The following ABCC1 variants were observed in gnomAD, a reference collection of about 807,000 sequenced individuals.
ABCC1 encodes the protein ATP binding cassette subfamily C member 1 (ABCC1 blood group).
Under a neutral mutation model 172.9 loss-of-function variants are expected in ABCC1, and 83 were observed. The observed-to-expected ratio is 0.48, with a 90% CI of 0.40 to 0.58. The LOEUF (loss-of-function observed/expected upper bound fraction) is 0.58, where lower values mean the gene tolerates loss of function less well. Ranked by LOEUF, ABCC1 falls within the 20% of genes least tolerant of loss-of-function variation. The pLI, the probability that ABCC1 is intolerant of heterozygous loss-of-function variation, is 0.00. For synonymous variants in ABCC1, 937 were observed against 825.2 expected, an observed-to-expected ratio of 1.14 and a Z score of -2.32; for missense variants, 1,817 against 2,002.7, an observed-to-expected ratio of 0.91 and a Z score of 1.77.
intron 9 of ABCC1, among the ~76,000 whole-genome samples, chr16:16,047,303 A>C (rs7192604): frequency 0.072 from 10,957 of 151,624 alleles, 527 homozygotes; most frequent in Middle Eastern, 0.13. Flanking sequence ...ATTTATTTTT[A>C]TGTTTTGAGA....
chr16:16,085,504 G>C (rs2050972664), intron 17 of ABCC1, among the ~76,000 whole-genome samples: 1 of 152,232 alleles, frequency 6.6e-6, no homozygotes, highest in Non-Finnish European at 1.5e-5. Flanking sequence ...TATTGGCTGG[G>C]CGCGGTAGCT....
chr16:16,083,829 A>G (rs1264956655), intron 17 of ABCC1, among the ~76,000 whole-genome samples: 1 of 152,154 alleles, frequency 6.6e-6, no homozygotes, highest in Non-Finnish European at 1.5e-5. Context: ...TAGGCCCCCC[A>G]GAAAGCATGC....
At chr16:15,949,586 G>T (rs953651657), upstream of ABCC1, 6 of 186,692 alleles carry the variant, frequency 3.2e-5, no homozygotes, top group Admixed American at 3.7e-4. Context: ...ACCAGGCGGC[G>T]TTGCGGCCCC....
intron 9 of ABCC1, among the ~76,000 whole-genome samples, chr16:16,047,008 C>A (rs1471762256): frequency 6.6e-6 from 1 of 151,958 alleles, no homozygotes; most frequent in Non-Finnish European, 1.5e-5. Context: ...CCAGCCTGGT[C>A]AATATAGCAA....
At chr16:16,000,987 G>C (rs1320748696) in intron 1 of ABCC1, among the ~76,000 whole-genome samples, 1 of 152,206 alleles carries the variant, frequency 6.6e-6, no homozygotes, top group Non-Finnish European at 1.5e-5. Context: ...TTGACCAGCA[G>C]TTGGGGAATG....
intron 29 of ABCC1, among the ~76,000 whole-genome samples, chr16:16,137,267 G>T (rs1001720476): frequency 2.6e-5 from 4 of 152,182 alleles, no homozygotes; most frequent in Admixed American, 2.6e-4. Flanking sequence ...GAGTCAGCTG[G>T]CTGTTGGCTG....
chr16:16,020,076 C>T (rs547831125), intron 5 of ABCC1, among the ~76,000 whole-genome samples: 1 of 152,288 alleles, frequency 6.6e-6, no homozygotes, highest in South Asian at 2.1e-4. Context: ...CGCACACCAC[C>T]ATGCCTGGCT....
chr16:15,979,732 C>T (rs2046577537), intron 1 of ABCC1, among the ~76,000 whole-genome samples: 1 of 152,106 alleles, frequency 6.6e-6, no homozygotes, highest in South Asian at 2.1e-4. Flanking sequence ...CCCATCTTGG[C>T]CTTCCAGAGT....
chr16:16,071,631 T>C lies in ABCC1; in HGVS notation c.1825-11T>C. 6.2e-7 allele frequency: 1 copy of C among 1,612,894 alleles called. No homozygotes were observed. The highest frequency in any genetic ancestry group is 1.1e-5 in the South Asian group (1 of 90,892). On this transcript the variant is annotated splice_polypyrimidine_tract_variant and intron_variant, in intron 13 of 30. Transcript: ENST00000399410. ...AAAAATAACTCTCCCCTGCCATTGCTCTCTGTACAGGCGAGTGTCTCCCTC... is the reference window on the plus strand; with the variant it reads ...AAAAATAACTCTCCCCTGCCATTGCCCTCTGTACAGGCGAGTGTCTCCCTC...
chr16:15,954,797 G>A (rs1054857776), intron 1 of ABCC1, among the ~76,000 whole-genome samples: 1 of 151,994 alleles, frequency 6.6e-6, no homozygotes, highest in East Asian at 1.9e-4. Flanking sequence ...TGGTAGATGG[G>A]GGGGAAGAAA....
chr16:15,958,293 A>T (rs45610340), intron 1 of ABCC1, among the ~76,000 whole-genome samples: 1 of 151,752 alleles, frequency 6.6e-6, no homozygotes, highest in Non-Finnish European at 1.5e-5. Context: ...TTTAGTAGAG[A>T]TGGGGTTTCT....
In ABCC1 at chr16:16,044,661, T is replaced by A. The variant is rs780178288; in HGVS notation, c.1021T>A (p.Ser341Thr). Residue 341 changes from serine (S) to threonine (T), a missense_variant, in exon 8 of 31, where the codon TCC becomes ACC. Transcript: ENST00000399410. ...FKAIHDLMMF[S>T]GPQILKLLIK... is the part of the protein sequence containing the mutation. ...GGCCATCCACGACCTGATGATGTTT[T>A]CCGGGCCGCAGATCTTAAAGTAAGA... 6.2e-7 allele frequency: 1 copy of A among 1,614,138 alleles called. No individual in the cohort carries two copies. Among genetic ancestry groups the A allele is most frequent in the South Asian group, 1.1e-5 (1 of 91,086 alleles).
intron 1 of ABCC1, among the ~76,000 whole-genome samples, chr16:15,989,118 G>A (rs901882765): frequency 6.7e-6 from 1 of 150,354 alleles, no homozygotes; most frequent in Non-Finnish European, 1.5e-5. Context: ...ACTGTGTTCA[G>A]TTCTGTGTCT....
intron 1 of ABCC1, among the ~76,000 whole-genome samples, chr16:15,954,435 T>TC (rs1278268823): frequency 6.6e-6 from 1 of 152,068 alleles, no homozygotes; most frequent in African/African-American, 2.4e-5. Context: ...GGCCCTCCTC[T>TC]CCACCCACCC....
chr16:16,038,552 C>T (rs1375704611), intron 7 of ABCC1, among the ~76,000 whole-genome samples: 1 of 152,118 alleles, frequency 6.6e-6, no homozygotes, highest in African/African-American at 2.4e-5. Flanking sequence ...GGCGGTGCCA[C>T]CCACATGGGG....
chr16:16,135,050 C>A (rs1055597795), intron 28 of ABCC1, among the ~76,000 whole-genome samples: 1 of 152,132 alleles, frequency 6.6e-6, no homozygotes, highest in African/African-American at 2.4e-5. Flanking sequence ...ACTTCCTGTC[C>A]CCGGGAGGGG....
intron 17 of ABCC1, 48 bp downstream of exon 17, chr16:16,083,590 C>A (rs530829046): frequency 1.3e-6 from 2 of 1,583,610 alleles, no homozygotes; most frequent in East Asian, 4.5e-5. Context: ...GCTGTTGCCG[C>A]GTAACAAATG....
chr16:16,083,467 C>T lies in ABCC1; in HGVS notation c.2217C>T (p.Ser739=), dbSNP rs760541601. The T allele has an allele frequency of 4.2e-5, 68 of 1,613,826 alleles. 2 individuals carry two copies. Among genetic ancestry groups the T allele is most frequent in the South Asian group, 3.0e-4 (27 of 91,062 alleles). The change falls in exon 17 of 31, where the codon TCC becomes TCT. Residue 739 remains serine (S), a synonymous_variant. Transcript: ENST00000399410. The stretch of plus-strand genomic sequence containing the variant: ...AGCTGGAGGAACCATATTACAGGTC[C>T]GTGATACAGGCCTGTGCCCTCCTCC... The part of the protein sequence containing the change: ...GCQLEEPYYR[S]VIQACALLPD...
At chr16:16,062,421 A>G (rs2049956566) in intron 12 of ABCC1, among the ~76,000 whole-genome samples, 1 of 151,948 alleles carries the variant, frequency 6.6e-6, no homozygotes, top group Non-Finnish European at 1.5e-5. Flanking sequence ...ATCACAGCTC[A>G]CTGCAACCTC....
Sources: allele counts gnomAD v4.1 joint callset (sites outside exome capture counted in the v4.1 genomes callset), GRCh38; gene constraint gnomAD v4.1.1; transcripts MANE v1.5; gene names NCBI Gene and HGNC (gene_info 2026-07-23, HGNC 2026-07-21).